ZNF614: variants seen among roughly 807,000 people sequenced by gnomAD.
The protein encoded by ZNF614 is zinc finger protein 614.
Under a neutral mutation model 12.8 loss-of-function variants are expected in ZNF614, and 11 were observed. That is an observed-to-expected ratio of 0.86 (90% CI 0.54 to 1.43). The LOEUF (loss-of-function observed/expected upper bound fraction) is 1.43, where lower values mean the gene tolerates loss of function less well. Among genes scored for constraint, ZNF614 ranks in the 40% most tolerant of loss-of-function variants. ZNF614 has a pLI of 0.00. For missense variants in ZNF614, 664 were observed against 708.8 expected (o/e 0.94, Z 0.72); for synonymous variants, 237 against 237.5 (o/e 1.00, Z 0.02).
intron 1 of ZNF614, among the ~76,000 whole-genome samples, chr19:52,028,022 CCAACACCCGTA>C (rs1369999436): frequency 1.3e-5 from 2 of 152,308 alleles, no homozygotes; most frequent in African/African-American, 4.8e-5. Flanking sequence ...GTCCCCCAGC[CCAACACCCGTA>C]AAGGGTGACT....
chr19:52,019,125 T>A (rs2086918896), intron 2 of ZNF614, among the ~76,000 whole-genome samples: 1 of 152,068 alleles, frequency 6.6e-6, no homozygotes, highest in South Asian at 2.1e-4. Context: ...AGTGCTGGGA[T>A]TACAGGTGTG....
In ZNF614 at chr19:52,016,025, C is replaced by T; in HGVS notation, c.1573G>A (p.Val525Ile). ...ECGKAFTTKS[V>I]LNVHQRTHTG... ...TGCGTTCTTTGATGTACATTGAGTA[C>T]TGACTTTGTGGTGAAGGCTTTTCCA... Residue 525 changes from valine to isoleucine, a missense_variant, in exon 5 of 5, where the codon GTA becomes ATA. Coordinates refer to ENST00000270649, the MANE Select transcript of ZNF614 (RefSeq NM_025040.4). 2 of 1,614,200 alleles carry T rather than the reference C, an allele frequency of 1.2e-6. No homozygotes were observed. The highest frequency in any genetic ancestry group is 1.7e-6 in the Non-Finnish European group (2 of 1,180,038).
intron 2 of ZNF614, among the ~76,000 whole-genome samples, chr19:52,023,011 G>A (rs111835241): frequency 0.091 from 13,507 of 148,554 alleles, 2,004 homozygotes; most frequent in African/African-American, 0.31. Context: ...ATCCGGAGGC[G>A]GAGCTTGCAG....
At chr19:52,023,614 T>C (rs926962082) in intron 2 of ZNF614, among the ~76,000 whole-genome samples, 1 of 152,160 alleles carries the variant, frequency 6.6e-6, no homozygotes, top group Non-Finnish European at 1.5e-5. Flanking sequence ...GGTTTCCTTA[T>C]GAATAACAAA....
chr19:52,018,841 G>A (rs1361498371), intron 2 of ZNF614, among the ~76,000 whole-genome samples: 1 of 152,120 alleles, frequency 6.6e-6, no homozygotes, highest in East Asian at 1.9e-4. Flanking sequence ...AAGCACAAAA[G>A]GCCCCTAAAG....
rs1305822829 is a variant in ZNF614, at chr19:52,018,305, G to A, written c.142+63C>T. ...AGTGACTGTAAAGCTTTGATTAGGT[G>A]AGCATAGGACGGTGTCTGGGCATTG... On this transcript the variant is annotated intron_variant, in intron 3 of 4. Coordinates refer to ENST00000270649, the MANE Select transcript of ZNF614 (RefSeq NM_025040.4). 9 of 1,610,628 alleles carry A rather than the reference G, an allele frequency of 5.6e-6. No homozygotes were observed. In the Admixed American group the frequency reaches 6.7e-5, roughly 12 times the overall value.
intron 1 of ZNF614, among the ~76,000 whole-genome samples, chr19:52,027,041 C>T (rs150205511): frequency 1.5e-3 from 236 of 152,318 alleles, no homozygotes; most frequent in African/African-American, 5.5e-3. Context: ...GTGGGTCCTC[C>T]GTATGCTGAG....
At chr19:52,017,920 AC>A (rs1445014456) in intron 4 of ZNF614, 87 bp downstream of exon 4, 1 of 930,950 alleles carries the variant, frequency 1.1e-6, no homozygotes, top group Non-Finnish European at 1.7e-6. Flanking sequence ...CTGCTTAGGT[AC>A]CCTCAGATAC....
chr19:52,018,276 C>T, intron 3 of ZNF614, 92 bp downstream of exon 3: 4 of 1,595,502 alleles, frequency 2.5e-6, no homozygotes, highest in South Asian at 1.1e-5. Context: ...CTTCCAAACA[C>T]CACAGTGACT....
rs753351903 is a variant in ZNF614, at chr19:52,025,766, T to C, written c.-21A>G. The C allele has an allele frequency of 1.2e-6, 2 of 1,613,614 alleles. No homozygotes were observed. Among genetic ancestry groups the C allele is most frequent in the African/African-American group, 2.7e-5 (2 of 75,028 alleles). On this transcript the variant is annotated 5_prime_UTR_variant, in exon 2 of 5. Coordinates refer to ENST00000270649, the MANE Select transcript of ZNF614 (RefSeq NM_025040.4). ...ATCATTTTCTTCTGTGCTCAGAAAA[T>C]AGTGGATAACATGGACTATACGTCT...
chr19:52,018,521 T>C, intron 2 of ZNF614, 27 bp from the exon 3 acceptor site: 1 of 1,602,002 alleles, frequency 6.2e-7, no homozygotes, highest in South Asian at 1.1e-5. Flanking sequence ...CTATTCAATA[T>C]GATATAAACT....
rs938596565 is a variant in ZNF614, at chr19:52,017,131, A to G, written c.467T>C (p.Val156Ala). 2.5e-6 allele frequency: 4 copies of G among 1,614,032 alleles called. No individual in the cohort carries two copies. In the African/African-American group the frequency reaches 5.3e-5, roughly 22 times the overall value. Residue 156 changes from valine to alanine, a missense_variant, in exon 5 of 5, where the codon GTT (valine) becomes GCT (alanine). By Grantham distance (64) the Val-to-Ala change is moderately conservative (BLOSUM62 0). Coordinates refer to ENST00000270649, the MANE Select transcript of ZNF614 (RefSeq NM_025040.4). Reference sequence around the variant, plus strand: ...TGTTTTCTCACCTCCAATAAACTCAACAGGGTTATTTATTCCATGTCTTCT... The same window carrying G: ...TGTTTTCTCACCTCCAATAAACTCAGCAGGGTTATTTATTCCATGTCTTCT... The part of the protein sequence containing the change: ...QKRRHGINNP[V>A]EFIGGEKTLL...
intron 2 of ZNF614, among the ~76,000 whole-genome samples, chr19:52,023,370 T>C (rs900438660): frequency 6.6e-6 from 1 of 152,010 alleles, no homozygotes; most frequent in South Asian, 2.1e-4. Flanking sequence ...GCTTTCACCA[T>C]GTAGGCCAGG....
chr19:52,017,401 A>G, intron 4 of ZNF614, 42 bp from the exon 5 acceptor site: 1 of 1,536,068 alleles, frequency 6.5e-7, no homozygotes, highest in Non-Finnish European at 8.7e-7. Context: ...TGAGAATTGT[A>G]TGAGATAAAA....
intron 2 of ZNF614, among the ~76,000 whole-genome samples, chr19:52,019,380 T>C (rs954009733): frequency 1.3e-5 from 2 of 151,978 alleles, no homozygotes; most frequent in Non-Finnish European, 2.9e-5. Flanking sequence ...AAAGGGAAAA[T>C]AGTGTAATAG....
At chr19:52,017,687 C>T (rs1415189764) in intron 4 of ZNF614, 4 of 321,190 alleles carry the variant, frequency 1.2e-5, no homozygotes, top group South Asian at 1.2e-4. Context: ...GGTGATAGAG[C>T]GAGACTCAGT....
rs2086886814 is a variant in ZNF614, at chr19:52,014,813, G to C, written c.*1027C>G. 6.6e-6 allele frequency: 1 copy of C among 152,150 alleles called. No individual in the cohort carries two copies. The highest frequency in any genetic ancestry group is 2.4e-5 in the African/African-American group (1 of 41,422). 9.4% of individuals were successfully genotyped at this position (152,150 alleles called of 1,614,324 possible). Reference sequence around the variant, plus strand: ...AACAGCCCCATTCTGAGGCTGTCTAGGGGAGCAACCATAAGTCACTTCAGT... The same window carrying C: ...AACAGCCCCATTCTGAGGCTGTCTACGGGAGCAACCATAAGTCACTTCAGT... On this transcript the variant is annotated 3_prime_UTR_variant, in exon 5 of 5. Coordinates refer to ENST00000270649, the MANE Select transcript of ZNF614 (RefSeq NM_025040.4).
chr19:52,026,035 T>A, intron 1 of ZNF614, 74 bp from the exon 2 acceptor site: 1 of 341,570 alleles, frequency 2.9e-6, no homozygotes, highest in Non-Finnish European at 5.4e-6. Flanking sequence ...TGCACTTACC[T>A]TAAATAAAAG....
At chr19:52,024,285 A>G (rs763370053) in intron 2 of ZNF614, among the ~76,000 whole-genome samples, 10 of 152,220 alleles carry the variant, frequency 6.6e-5, no homozygotes, top group Non-Finnish European at 1.3e-4. Flanking sequence ...TTGGTAGCCA[A>G]GTCCAAAAGA....
Sources: gnomAD v4.1 joint callset for allele counts (sites outside exome capture counted in the v4.1 genomes callset) on GRCh38, gnomAD v4.1.1 for gene constraint, MANE v1.5 for transcripts, NCBI Gene and HGNC (gene_info 2026-07-23, HGNC 2026-07-21) for gene names.